The following ADK variants were observed in gnomAD, a reference collection of about 807,000 sequenced individuals.
ADK encodes N6,N6-dimethyladenosine kinase.
Under a neutral mutation model 44.7 loss-of-function variants are expected in ADK, and 24 were observed. That is an observed-to-expected ratio of 0.54 (90% CI 0.39 to 0.76). The LOEUF is 0.76. Among genes scored for constraint, ADK ranks in the 30% least tolerant of loss-of-function variants. The pLI, the probability that ADK is intolerant of heterozygous loss-of-function variation, is 0.00. For synonymous variants in ADK, 128 were observed against 142.6 expected (o/e 0.90, Z 0.73); for missense variants, 321 against 425.1 (o/e 0.76, Z 2.15).
In ADK at chr10:74,169,783, G is replaced by T. The variant is rs575991641; in HGVS notation, c.65+18440G>T. Among the ~76,000 whole-genome samples, 22 of 152,246 alleles carry T rather than the reference G, an allele frequency of 1.4e-4. 1 individual carries two copies. The South Asian group carries it at 4.6e-3, about 32-fold the overall frequency. Reference sequence around the variant, plus strand: ...TCCATAATGAAAGCTAACTAAAATTGCATTAAAATTTATCAACTCCTTTAA... The same window carrying T: ...TCCATAATGAAAGCTAACTAAAATTTCATTAAAATTTATCAACTCCTTTAA... On this transcript the variant is annotated intron_variant, in intron 1 of 10. Transcript: ENST00000539909.
intron 3 of ADK, among the ~76,000 whole-genome samples, chr10:74,306,075 C>G (rs1328075869): frequency 1.3e-5 from 2 of 151,476 alleles, no homozygotes; most frequent in African/African-American, 4.9e-5. Context: ...TTCTTTTCTT[C>G]TGTTACTCAT....
At chr10:74,687,199 A>G (rs1855826598) in intron 10 of ADK, among the ~76,000 whole-genome samples, 1 of 152,230 alleles carries the variant, frequency 6.6e-6, no homozygotes, top group African/African-American at 2.4e-5. Flanking sequence ...GTATAGCCAG[A>G]TGGTGATTGT....
intron 7 of ADK, among the ~76,000 whole-genome samples, chr10:74,531,747 G>A (rs1258894742): frequency 1.3e-5 from 2 of 152,036 alleles, no homozygotes; most frequent in East Asian, 3.9e-4. Flanking sequence ...GCCCAGGCTG[G>A]TTTCAACCTC....
intron 6 of ADK, among the ~76,000 whole-genome samples, chr10:74,496,137 G>A (rs972022104): frequency 6.6e-6 from 1 of 152,088 alleles, no homozygotes; most frequent in Non-Finnish European, 1.5e-5. Flanking sequence ...GAGGGGGCGA[G>A]GGGGTCTTAC....
intron 3 of ADK, among the ~76,000 whole-genome samples, chr10:74,308,660 A>G (rs1298331775): frequency 6.6e-6 from 1 of 152,200 alleles, no homozygotes; most frequent in Non-Finnish European, 1.5e-5. Context: ...GCAGTTATGA[A>G]TGCTTTCTTA....
chr10:74,498,443 A>T (rs2133435167), intron 6 of ADK, among the ~76,000 whole-genome samples: 1 of 152,348 alleles, frequency 6.6e-6, no homozygotes, highest in Middle Eastern at 3.4e-3. Flanking sequence ...AACTCTTCTC[A>T]TTCTGCTTTA....
intron 9 of ADK, among the ~76,000 whole-genome samples, chr10:74,642,934 G>C (rs1447272258): frequency 1.3e-5 from 2 of 150,328 alleles, no homozygotes; most frequent in Non-Finnish European, 3.0e-5. Flanking sequence ...CAAACTCCTG[G>C]GTTCAAAGGA....
chr10:74,379,172 T>G (rs1419909948), intron 4 of ADK, among the ~76,000 whole-genome samples: 1 of 152,116 alleles, frequency 6.6e-6, no homozygotes, highest in African/African-American at 2.4e-5. Context: ...GGCTTGCATT[T>G]AAAAAGGACA....
At chr10:74,243,132 A>G (rs1167358961) in intron 3 of ADK, among the ~76,000 whole-genome samples, 1 of 152,236 alleles carries the variant, frequency 6.6e-6, no homozygotes, top group Non-Finnish European at 1.5e-5. Flanking sequence ...GTTAACATGC[A>G]CACAGACAGA....
intron 6 of ADK, among the ~76,000 whole-genome samples, chr10:74,490,339 A>G (rs576437116): frequency 1.2e-4 from 19 of 152,224 alleles, no homozygotes; most frequent in Middle Eastern, 3.4e-3. Flanking sequence ...GTGTTATGCA[A>G]TTAATGATAA....
At chr10:74,280,163 G>A (rs1846870521) in intron 3 of ADK, among the ~76,000 whole-genome samples, 1 of 150,246 alleles carries the variant, frequency 6.7e-6, no homozygotes, top group South Asian at 2.1e-4. Context: ...TTTTTGTTTT[G>A]GAGCCAGGGT....
chr10:74,639,929 G>A lies in ADK; in HGVS notation c.878-30254G>A, dbSNP rs714446. 3.9e-5 allele frequency among the ~76,000 whole-genome samples: 6 copies of A among 152,152 alleles called. No individual in the cohort carries two copies. In the East Asian group the frequency reaches 1.2e-3, roughly 29 times the overall value. On this transcript the variant is annotated intron_variant, in intron 9 of 10. Coordinates refer to ENST00000539909, the MANE Select transcript of ADK (RefSeq NM_006721.4). ...AGTGTGCTGGGGGTAAGATGATTTA[G>A]ATACTCTGTATTTTCCATGTCTTAT...
chr10:74,700,847 TAAATC>T (rs1413823279), intron 10 of ADK, among the ~76,000 whole-genome samples: 1 of 152,178 alleles, frequency 6.6e-6, no homozygotes. Context: ...TTTTAAATAT[TAAATC>T]AATAAGGATA....
intron 6 of ADK, among the ~76,000 whole-genome samples, chr10:74,455,026 A>G (rs1272678096): frequency 1.3e-5 from 2 of 152,204 alleles, no homozygotes; most frequent in African/African-American, 4.8e-5. Flanking sequence ...CCATTTTCTC[A>G]CATTCCTTCA....
intron 8 of ADK, among the ~76,000 whole-genome samples, chr10:74,593,802 A>G (rs1271053955): frequency 6.6e-6 from 1 of 152,230 alleles, no homozygotes; most frequent in Non-Finnish European, 1.5e-5. Flanking sequence ...TTGTATAACC[A>G]GCTGGTTAAA....
chr10:74,677,412 T>G (rs1431049750), intron 10 of ADK, among the ~76,000 whole-genome samples: 1 of 152,244 alleles, frequency 6.6e-6, no homozygotes, highest in African/African-American at 2.4e-5. Flanking sequence ...ATCTTCATAT[T>G]TTCTATCCTC....
intron 3 of ADK, among the ~76,000 whole-genome samples, chr10:74,275,610 A>G (rs1247925537): frequency 1.3e-5 from 2 of 152,174 alleles, no homozygotes; most frequent in Non-Finnish European, 2.9e-5. Flanking sequence ...TACAGCCCAG[A>G]CTACTACAAC....
At chr10:74,251,181 G>A (rs906571112) in intron 3 of ADK, among the ~76,000 whole-genome samples, 2 of 152,164 alleles carry the variant, frequency 1.3e-5, no homozygotes, top group African/African-American at 4.8e-5. Context: ...ATATGGTTGA[G>A]GGAAGCAATG....
At chr10:74,666,756 C>T (rs1451944734) in intron 9 of ADK, among the ~76,000 whole-genome samples, 1 of 150,902 alleles carries the variant, frequency 6.6e-6, no homozygotes, top group Non-Finnish European at 1.5e-5. Context: ...GAATGTACTT[C>T]ATGTGTTCAT....
Sources: gnomAD v4.1 joint callset for allele counts (sites outside exome capture counted in the v4.1 genomes callset) on GRCh38, gnomAD v4.1.1 for gene constraint, MANE v1.5 for transcripts, NCBI Gene and HGNC (gene_info 2026-07-23, HGNC 2026-07-21) for gene names.